The following ATP2C2 variants were observed in gnomAD, a reference collection of about 807,000 sequenced individuals.
The protein encoded by ATP2C2 is calcium-transporting ATPase type 2C member 2.
A neutral mutation model predicts 110.8 loss-of-function variants in ATP2C2; 171 were observed. The ratio of observed to expected loss-of-function variants is 1.54; its 90% CI spans 1.36 to 1.75. The LOEUF is 1.75. Ranked by LOEUF, ATP2C2 falls within the 40% of genes most tolerant of loss-of-function variation. The pLI, the probability that ATP2C2 is intolerant of heterozygous loss-of-function variation, is 0.00. For missense variants in ATP2C2, 1,963 were observed against 1,235.0 expected, an observed-to-expected ratio of 1.59 and a Z score of -8.84; for synonymous variants, 804 against 508.4, an observed-to-expected ratio of 1.58 and a Z score of -7.82.
intron 2 of ATP2C2, among the ~76,000 whole-genome samples, chr16:84,403,481 AT>A (rs1256861226): frequency 1.3e-5 from 2 of 151,094 alleles, no homozygotes; most frequent in South Asian, 2.1e-4. Flanking sequence ...AATTTTTAAA[AT>A]TTTTTTGTAG....
At chr16:84,460,212 C>T in intron 23 of ATP2C2, 2 of 216,334 alleles carry the variant, frequency 9.2e-6, no homozygotes, top group East Asian at 1.3e-4. Flanking sequence ...CTCACCCGGC[C>T]ACTCCCACCA....
rs180681525 is a variant in ATP2C2 at position 84,416,531 on chromosome 16, C to G, written c.624+940C>G. ...GAGCACAAAGGGTTGGAAGCTACCC[C>G]CTGGGACCTGGGTTTACAACATTCC... On this transcript the variant is annotated intron_variant, in intron 7 of 26. Transcript: ENST00000262429. Among the ~76,000 whole-genome samples, 36 of 152,264 alleles carry G rather than the reference C, an allele frequency of 2.4e-4. No individual in the cohort carries two copies. In the East Asian group the frequency reaches 5.8e-3, roughly 24 times the overall value.
At position 84,463,957 on chromosome 16, in the gene ATP2C2, T is replaced by A; in HGVS notation, c.*225T>A. 1.9e-6 allele frequency: 1 copy of A among 517,860 alleles called. No individual in the cohort carries two copies. Among genetic ancestry groups the A allele is most frequent in the Non-Finnish European group, 3.5e-6 (1 of 288,878 alleles). The allele number at this position is 517,860 out of a possible 1,614,324, so 32.1% of individuals were successfully genotyped here. ...TGTGGGACAGACAGGGAGGGGCCTG[T>A]ACAGAAACACCACACTGTTTATTAA... On this transcript the variant is annotated 3_prime_UTR_variant, in exon 27 of 27. Coordinates refer to ENST00000262429, the MANE Select transcript of ATP2C2 (RefSeq NM_014861.4).
chr16:84,377,049 G>A (rs1305403289), intron 1 of ATP2C2, among the ~76,000 whole-genome samples: 1 of 152,236 alleles, frequency 6.6e-6, no homozygotes, highest in Non-Finnish European at 1.5e-5. Flanking sequence ...CATCTCACAT[G>A]ATGGTGATAA....
chr16:84,382,455 A>T (rs1910634425), intron 1 of ATP2C2, among the ~76,000 whole-genome samples: 1 of 152,112 alleles, frequency 6.6e-6, no homozygotes, highest in South Asian at 2.1e-4. Flanking sequence ...CATTGACTTG[A>T]CTCATGCCTC....
At chr16:84,460,611 AT>A in intron 23 of ATP2C2, 42 bp from the exon 24 acceptor site, 1 of 1,613,670 alleles carries the variant, frequency 6.2e-7, no homozygotes, top group Non-Finnish European at 8.5e-7. Context: ...CCTTTATTTC[AT>A]TCCTGGTTCA....
chr16:84,453,611 A>G (rs765637584), intron 20 of ATP2C2, among the ~76,000 whole-genome samples: 1 of 152,158 alleles, frequency 6.6e-6, no homozygotes, highest in Admixed American at 6.5e-5. Context: ...TGCCAGCAAC[A>G]CTTGCGCTGA....
At chr16:84,461,238 G>T (rs771500794) in intron 24 of ATP2C2, 1 of 258,932 alleles carries the variant, frequency 3.9e-6, no homozygotes, top group South Asian at 6.4e-5. Flanking sequence ...GACGGGCCAC[G>T]ATCTAGGTGG....
chr16:84,458,476 C>A, intron 21 of ATP2C2, among the ~76,000 whole-genome samples: 1 of 101,402 alleles, frequency 9.9e-6, no homozygotes, highest in African/African-American at 3.6e-5. Context: ...GCACATGTAC[C>A]CTAAAACTTA....
Position 84,463,809 on chromosome 16 carries a change from A to G in ATP2C2, c.*77A>G, listed in dbSNP as rs1911648140. 9 of 1,305,128 alleles carry G rather than the reference A, an allele frequency of 6.9e-6. No homozygotes were observed. The Admixed American group carries it at 1.6e-4, about 23-fold the overall frequency. 80.8% of individuals were successfully genotyped at this position (1,305,128 alleles called of 1,614,324 possible). On this transcript the variant is annotated 3_prime_UTR_variant, in exon 27 of 27. Coordinates refer to ENST00000262429, the MANE Select transcript of ATP2C2 (RefSeq NM_014861.4). ...GTGGCCCCTGCCGTGTCTCCTCGTC[A>G]GGGGAGACTTTTAGGAGGCCGCAGC...
intron 26 of ATP2C2, chr16:84,463,001 T>G (rs978384713): frequency 1.9e-5 from 3 of 155,232 alleles, no homozygotes; most frequent in Non-Finnish European, 4.3e-5. Context: ...GTGAATGCCC[T>G]GTAGGAACAG....
intron 1 of ATP2C2, among the ~76,000 whole-genome samples, chr16:84,384,074 C>G (rs1011681238): frequency 2.0e-5 from 3 of 152,300 alleles, no homozygotes; most frequent in Non-Finnish European, 2.9e-5. Flanking sequence ...TAGGTGTCAG[C>G]CACTGTGCCC....
intron 1 of ATP2C2, among the ~76,000 whole-genome samples, chr16:84,391,547 A>G (rs1286282149): frequency 6.6e-6 from 1 of 152,226 alleles, no homozygotes; most frequent in Non-Finnish European, 1.5e-5. Context: ...TAAGAAAAGC[A>G]GACAGAGACG....
At chr16:84,376,120 A>G (rs56226543) in intron 1 of ATP2C2, among the ~76,000 whole-genome samples, 4 of 152,268 alleles carry the variant, frequency 2.6e-5, no homozygotes, top group Non-Finnish European at 4.4e-5. Context: ...GTACGTGACC[A>G]TTTGGGGGCT....
In ATP2C2 at chr16:84,439,436, G is replaced by T; in HGVS notation, c.1121G>T (p.Ser374Ile). 1.2e-6 allele frequency: 2 copies of T among 1,614,154 alleles called. No homozygotes were observed. Among genetic ancestry groups the T allele is most frequent in the Non-Finnish European group, 1.7e-6 (2 of 1,180,012 alleles). ...GTGTTTGTTGTACCAGGTTGCTGCA[G>T]CGTTCTCTGTTCTGACAAGACGGGG... ...LPIVETLGCC[S>I]VLCSDKTGTL... The change falls in exon 13 of 27, where the codon AGC (serine) becomes ATC (isoleucine). Residue 374 changes from serine to isoleucine, a missense_variant. Coordinates refer to ENST00000262429, the MANE Select transcript of ATP2C2 (RefSeq NM_014861.4).
chr16:84,458,296 A>G (rs1910880139), intron 21 of ATP2C2, among the ~76,000 whole-genome samples: 1 of 106,330 alleles, frequency 9.4e-6, no homozygotes, highest in Non-Finnish European at 1.9e-5. Context: ...TTGAACAATG[A>G]GATCACATGG....
chr16:84,368,575 CG>C lies in ATP2C2; in HGVS notation c.-37del. The C allele has an allele frequency of 1.4e-6, 2 of 1,475,734 alleles. No homozygotes were observed. The highest frequency in any genetic ancestry group is 1.8e-6 in the Non-Finnish European group (2 of 1,088,920). 91.4% of individuals were successfully genotyped at this position (1,475,734 alleles called of 1,614,324 possible). A position where few individuals can be genotyped will look rare whatever the true frequency, so the allele number is the denominator to read the frequency against. ...CGCGCGCAGCCATCCCGGGCCTCGC[CG>C]GGGACCTAGGGACGCAGGCAACGCC... On this transcript the variant is annotated 5_prime_UTR_variant, in exon 1 of 27. Transcript: ENST00000262429.
chr16:84,373,046 G>A (rs1235243635), intron 1 of ATP2C2, among the ~76,000 whole-genome samples: 1 of 151,502 alleles, frequency 6.6e-6, no homozygotes, highest in Non-Finnish European at 1.5e-5. Flanking sequence ...TTTGAACCCA[G>A]GAGGCGGAGG....
chr16:84,432,221 T>C (rs1336973115), intron 11 of ATP2C2, among the ~76,000 whole-genome samples: 1 of 152,210 alleles, frequency 6.6e-6, no homozygotes, highest in African/African-American at 2.4e-5. Flanking sequence ...ACCTGAGCAG[T>C]GTACACTGTA....
Sources: allele counts gnomAD v4.1 joint callset (sites outside exome capture counted in the v4.1 genomes callset), GRCh38; gene constraint gnomAD v4.1.1; transcripts MANE v1.5; gene names NCBI Gene and HGNC (gene_info 2026-07-23, HGNC 2026-07-21).